The following PIP5K1B variants were observed in gnomAD, a reference collection of about 807,000 sequenced individuals.
PIP5K1B encodes the protein phosphatidylinositol 4-phosphate 5-kinase type-1 beta.
A neutral mutation model predicts 67.0 loss-of-function variants in PIP5K1B; 42 were observed. That is an observed-to-expected ratio of 0.63 (90% CI 0.49 to 0.81). The LOEUF (loss-of-function observed/expected upper bound fraction) is 0.81, where lower values mean the gene tolerates loss of function less well. Among genes scored for constraint, PIP5K1B ranks in the 30% least tolerant of loss-of-function variants. The pLI is 0.00. For missense variants in PIP5K1B, 459 were observed against 646.3 expected, an observed-to-expected ratio of 0.71 and a Z score of 3.14; for synonymous variants, 214 against 231.4, an observed-to-expected ratio of 0.92 and a Z score of 0.68.
At position 68,916,062 on chromosome 9, in the gene PIP5K1B, A is replaced by G. The variant is rs527246538; in HGVS notation, c.772-1486A>G. On this transcript the variant is annotated intron_variant, in intron 8 of 15. Transcript: ENST00000265382. Reference sequence around the variant, plus strand: ...AGCACAAGAAATTCTGGATTATTTTATCCCTAAACAATTATCTATAGGCTA... The same window carrying G: ...AGCACAAGAAATTCTGGATTATTTTGTCCCTAAACAATTATCTATAGGCTA... Among the ~76,000 whole-genome samples, 6 of 152,318 alleles carry G rather than the reference A, an allele frequency of 3.9e-5. No homozygotes were observed. The South Asian group carries it at 1.2e-3, about 32-fold the overall frequency.
rs980932861 is a variant in PIP5K1B, at chr9:68,918,099, T to A, written c.983+340T>A. On this transcript the variant is annotated intron_variant, in intron 9 of 15. Transcript: ENST00000265382. ...TGTTTTATTGTTTATTTATTTATTT[T>A]TTTTTTTTGAGACAGAGTCTCACTC... Among the ~76,000 whole-genome samples, 33 of 150,308 alleles carry A rather than the reference T, an allele frequency of 2.2e-4. 1 individual carries two copies. Among genetic ancestry groups the A allele is most frequent in the Middle Eastern group, 3.5e-3 (1 of 288 alleles).
intron 5 of PIP5K1B, among the ~76,000 whole-genome samples, chr9:68,867,231 G>T (rs796557483): frequency 7.3e-5 from 11 of 151,658 alleles, no homozygotes; most frequent in African/African-American, 2.7e-4. Flanking sequence ...TTATTGTCCC[G>T]GTTTGGCTCT....
intron 4 of PIP5K1B, among the ~76,000 whole-genome samples, chr9:68,847,414 TG>T (rs1822250470): frequency 6.4e-5 from 1 of 15,652 alleles, no homozygotes; most frequent in Non-Finnish European, 1.1e-4. Flanking sequence ...GCAGTGGTTT[TG>T]TGTGTGTGTG....
At chr9:68,918,010 A>G (rs561389417) in intron 9 of PIP5K1B, among the ~76,000 whole-genome samples, 1 of 152,194 alleles carries the variant, frequency 6.6e-6, no homozygotes, top group South Asian at 2.1e-4. Flanking sequence ...TTTTGTCCCC[A>G]TTAACTACAT....
intron 2 of PIP5K1B, among the ~76,000 whole-genome samples, chr9:68,771,170 G>A (rs1830656031): frequency 2.0e-5 from 3 of 152,210 alleles, no homozygotes; most frequent in Admixed American, 2.0e-4. Flanking sequence ...CCCTGCTGAT[G>A]AAAGTTAGTG....
intron 1 of PIP5K1B, among the ~76,000 whole-genome samples, chr9:68,718,908 C>T (rs1827753005): frequency 6.6e-6 from 1 of 152,026 alleles, no homozygotes; most frequent in Non-Finnish European, 1.5e-5. Flanking sequence ...ATTGAAAGTC[C>T]ATTGTGATTT....
intron 4 of PIP5K1B, among the ~76,000 whole-genome samples, chr9:68,832,428 T>C (rs1333069490): frequency 6.6e-6 from 1 of 152,254 alleles, no homozygotes. Context: ...AAAGTCATTT[T>C]CCTCTATGGG....
chr9:68,978,783 C>G (rs1396613681), intron 14 of PIP5K1B, among the ~76,000 whole-genome samples: 1 of 152,146 alleles, frequency 6.6e-6, no homozygotes, highest in Non-Finnish European at 1.5e-5. Context: ...AATATGTACC[C>G]AAGTTACCAT....
At chr9:68,823,576 A>G (rs1833836577) in intron 4 of PIP5K1B, among the ~76,000 whole-genome samples, 1 of 152,190 alleles carries the variant, frequency 6.6e-6, no homozygotes, top group Non-Finnish European at 1.5e-5. Context: ...CCAGTCTTTG[A>G]TAAATTCTCG....
rs563181964 is a variant in PIP5K1B, at chr9:68,930,191, A to G, written c.1202-4699A>G. Reference sequence around the variant, plus strand: ...CTGACTCGGTCTCTTCTTATACAGCACTCTGGGTAATTCCCTGTTCTCCCA... The same window carrying G: ...CTGACTCGGTCTCTTCTTATACAGCGCTCTGGGTAATTCCCTGTTCTCCCA... On this transcript the variant is annotated intron_variant, in intron 12 of 15. Coordinates refer to ENST00000265382, the MANE Select transcript of PIP5K1B (RefSeq NM_003558.4). Among the ~76,000 whole-genome samples, 17 of 151,708 alleles carry G rather than the reference A, an allele frequency of 1.1e-4. No homozygotes were observed. The South Asian group carries it at 3.1e-3, about 28-fold the overall frequency.
intron 8 of PIP5K1B, among the ~76,000 whole-genome samples, chr9:68,904,973 C>G (rs1008810328): frequency 1.3e-5 from 2 of 151,864 alleles, no homozygotes; most frequent in African/African-American, 4.8e-5. Context: ...AGTAACTTGT[C>G]CCACAGAAAT....
intron 1 of PIP5K1B, among the ~76,000 whole-genome samples, chr9:68,737,435 A>C (rs1828793523): frequency 6.6e-6 from 1 of 152,228 alleles, no homozygotes; most frequent in Non-Finnish European, 1.5e-5. Context: ...ATGTATGCAG[A>C]ACTATGTTGC....
chr9:68,935,078 C>T (rs201072884), intron 13 of PIP5K1B, 33 bp downstream of exon 13: 210 of 1,577,980 alleles, frequency 1.3e-4, no homozygotes, highest in Admixed American at 1.6e-4. Context: ...AAAAGACAAA[C>T]GTTCTTGTGA....
rs1826508867 is a variant in PIP5K1B at position 68,923,373 on chromosome 9, C to T, written c.1188C>T (p.Phe396=). ...TTAAGTTCATGAATTCCAGAGTTTT[C>T]AAGAAAATTCAAGGTAAGATTCTTA... ...RFLKFMNSRV[F]KKIQALKASP... Residue 396 remains phenylalanine, a synonymous_variant, in exon 12 of 16, where the codon TTC becomes TTT. Transcript: ENST00000265382. The T allele has an allele frequency of 1.3e-6, 2 of 1,555,652 alleles. No individual in the cohort carries two copies. Among genetic ancestry groups the T allele is most frequent in the Non-Finnish European group, 1.8e-6 (2 of 1,135,036 alleles).
At chr9:68,744,311 T>C (rs1198209468) in intron 2 of PIP5K1B, among the ~76,000 whole-genome samples, 1 of 152,212 alleles carries the variant, frequency 6.6e-6, no homozygotes, top group South Asian at 2.1e-4. Context: ...ATAGGTTTCA[T>C]GGGAGGCCAC....
chr9:68,919,639 G>A (rs1478559605), intron 10 of PIP5K1B, 42 bp from the exon 11 acceptor site: 1 of 1,414,442 alleles, frequency 7.1e-7, no homozygotes, highest in Non-Finnish European at 1.0e-6. Flanking sequence ...CCAAATGAGA[G>A]TGATTTTACA....
chr9:68,932,297 T>G (rs1392479657), intron 12 of PIP5K1B, among the ~76,000 whole-genome samples: 1 of 152,200 alleles, frequency 6.6e-6, no homozygotes, highest in East Asian at 1.9e-4. Flanking sequence ...TCAAACCTTT[T>G]GGTCTCAGGG....
chr9:68,752,044 G>A (rs1829659252), intron 2 of PIP5K1B, among the ~76,000 whole-genome samples: 1 of 152,034 alleles, frequency 6.6e-6, no homozygotes, highest in South Asian at 2.1e-4. Context: ...TTTTATAAAT[G>A]TATTAAAGGT....
At chr9:68,886,259 C>G (rs1017940461) in intron 6 of PIP5K1B, among the ~76,000 whole-genome samples, 2 of 152,184 alleles carry the variant, frequency 1.3e-5, no homozygotes, top group Admixed American at 6.5e-5. Flanking sequence ...CTCACACCTG[C>G]ATGGCCTCCT....
Sources: gnomAD v4.1 joint callset for allele counts (sites outside exome capture counted in the v4.1 genomes callset) on GRCh38, gnomAD v4.1.1 for gene constraint, MANE v1.5 for transcripts, NCBI Gene and HGNC (gene_info 2026-07-23, HGNC 2026-07-21) for gene names.